MARCHF1: variants seen among roughly 807,000 people sequenced by gnomAD.
MARCHF1 encodes E3 ubiquitin-protein ligase MARCHF1.
In MARCHF1, 40 loss-of-function variants were observed where a neutral mutation model predicts 54.2. That is an observed-to-expected ratio of 0.74 (90% CI 0.57 to 0.96). MARCHF1 has a LOEUF of 0.96. Ranked by LOEUF, MARCHF1 falls within the 40% of genes least tolerant of loss-of-function variation. The pLI is 0.00. For synonymous variants in MARCHF1, 236 were observed against 236.3 expected (o/e 1.00, Z 0.01); for missense variants, 586 against 656.5 (o/e 0.89, Z 1.17).
At chr4:164,043,441 G>A (rs1256414092) in intron 2 of MARCHF1, among the ~76,000 whole-genome samples, 1 of 152,146 alleles carries the variant, frequency 6.6e-6, no homozygotes, top group Non-Finnish European at 1.5e-5. Context: ...TTTAGCCACA[G>A]CTGGAGCTGG....
chr4:163,628,662 C>T (rs1031352178), intron 5 of MARCHF1, among the ~76,000 whole-genome samples: 1 of 152,078 alleles, frequency 6.6e-6, no homozygotes, highest in Non-Finnish European at 1.5e-5. Flanking sequence ...TTGTCTCAGC[C>T]CAAAATCTCC....
At chr4:164,011,858 C>T (rs1473302416) in intron 2 of MARCHF1, among the ~76,000 whole-genome samples, 2 of 152,146 alleles carry the variant, frequency 1.3e-5, no homozygotes, top group African/African-American at 4.8e-5. Flanking sequence ...CTACACCTCA[C>T]CTACCCTAAC....
chr4:164,350,059 C>T (rs17483404), intron 1 of MARCHF1, among the ~76,000 whole-genome samples: 82,234 of 151,970 alleles, frequency 0.54, 22,839 homozygotes, highest in East Asian at 0.65. Context: ...GCAATGTTCA[C>T]AATGCATGTA....
At chr4:163,538,535 A>G (rs913676682) in intron 9 of MARCHF1, among the ~76,000 whole-genome samples, 6 of 152,150 alleles carry the variant, frequency 3.9e-5, no homozygotes, top group Non-Finnish European at 5.9e-5. Flanking sequence ...GGAATAGCCA[A>G]ATCCCCAAAT....
chr4:164,093,245 T>C (rs543038950), intron 2 of MARCHF1, among the ~76,000 whole-genome samples: 2 of 152,276 alleles, frequency 1.3e-5, no homozygotes, highest in East Asian at 3.9e-4. Flanking sequence ...AATTGGACTA[T>C]AACTAAAACA....
At chr4:163,816,472 A>T (rs1276700246) in intron 4 of MARCHF1, among the ~76,000 whole-genome samples, 1 of 151,894 alleles carries the variant, frequency 6.6e-6, no homozygotes, top group Non-Finnish European at 1.5e-5. Context: ...TTACCCTAAC[A>T]AAACATCTTT....
At chr4:164,245,064 T>G (rs550579482) in intron 1 of MARCHF1, among the ~76,000 whole-genome samples, 1 of 152,322 alleles carries the variant, frequency 6.6e-6, no homozygotes, top group Non-Finnish European at 1.5e-5. Flanking sequence ...TCTGAAACTA[T>G]TCCAATCAAT....
intron 1 of MARCHF1, among the ~76,000 whole-genome samples, chr4:164,131,012 T>C (rs1756289914): frequency 6.6e-6 from 1 of 152,174 alleles, no homozygotes; most frequent in Non-Finnish European, 1.5e-5. Flanking sequence ...ATTCCCCTCT[T>C]TGGGATTTAA....
chr4:163,550,507 CTTTTTTT>C (rs35963243), intron 8 of MARCHF1, among the ~76,000 whole-genome samples: 1 of 142,218 alleles, frequency 7.0e-6, no homozygotes. Context: ...TACGGTAGCC[CTTTTTTT>C]TTTTTTTTTT....
chr4:164,058,956 A>AT (rs765036333), intron 2 of MARCHF1, among the ~76,000 whole-genome samples: 2 of 152,140 alleles, frequency 1.3e-5, no homozygotes, highest in Non-Finnish European at 2.9e-5. Context: ...TAACAAGATT[A>AT]TTTTTCCAGT....
intron 1 of MARCHF1, among the ~76,000 whole-genome samples, chr4:164,211,810 A>G (rs1731782137): frequency 1.3e-5 from 2 of 152,050 alleles, no homozygotes; most frequent in Non-Finnish European, 1.5e-5. Flanking sequence ...TTAGACAACT[A>G]TTTTGAGAGA....
intron 1 of MARCHF1, among the ~76,000 whole-genome samples, chr4:164,376,655 C>G (rs1422512800): frequency 6.6e-6 from 1 of 152,124 alleles, no homozygotes; most frequent in African/African-American, 2.4e-5. Context: ...CCACCCATTC[C>G]CACTGACTGC....
intron 3 of MARCHF1, among the ~76,000 whole-genome samples, chr4:163,933,356 T>A (rs1751723553): frequency 6.6e-6 from 1 of 152,214 alleles, no homozygotes; most frequent in Non-Finnish European, 1.5e-5. Flanking sequence ...CCCATTTATG[T>A]ATACGGAATC....
chr4:164,192,480 A>G (rs1401972962), intron 1 of MARCHF1, among the ~76,000 whole-genome samples: 1 of 152,206 alleles, frequency 6.6e-6, no homozygotes, highest in Non-Finnish European at 1.5e-5. Flanking sequence ...GTAAAAAGTT[A>G]GTGATCTCTG....
At chr4:164,109,911 G>GAAAAAAA (rs1755795301) in intron 2 of MARCHF1, among the ~76,000 whole-genome samples, 3 of 16,010 alleles carry the variant, frequency 1.9e-4, no homozygotes, top group African/African-American at 4.4e-4. Context: ...TAAAATAAAA[G>GAAAAAAA]TAAAAAAAAA....
intron 5 of MARCHF1, among the ~76,000 whole-genome samples, chr4:163,637,075 C>T (rs1339482724): frequency 1.3e-5 from 2 of 151,104 alleles, no homozygotes; most frequent in Non-Finnish European, 3.0e-5. Context: ...CCCTTCCTTA[C>T]ACCTTATACA....
At chr4:164,193,217 G>A (rs930052673) in intron 1 of MARCHF1, among the ~76,000 whole-genome samples, 4 of 151,632 alleles carry the variant, frequency 2.6e-5, no homozygotes, top group Admixed American at 1.3e-4. Context: ...CACCTTTTTC[G>A]GAAGATGCCA....
chr4:164,114,492 C>A (rs1048707277), intron 1 of MARCHF1, among the ~76,000 whole-genome samples: 13 of 151,486 alleles, frequency 8.6e-5, no homozygotes, highest in African/African-American at 3.1e-4. Flanking sequence ...TATAATGACC[C>A]ATTCTTTAAA....
intron 4 of MARCHF1, among the ~76,000 whole-genome samples, chr4:163,781,546 C>T (rs2110905887): frequency 6.6e-6 from 1 of 152,154 alleles, no homozygotes; most frequent in East Asian, 1.9e-4. Flanking sequence ...TTTAGATGTC[C>T]TGACTAATAA....
Sources: gnomAD v4.1 joint callset for allele counts (sites outside exome capture counted in the v4.1 genomes callset) on GRCh38, gnomAD v4.1.1 for gene constraint, MANE v1.5 for transcripts, NCBI Gene and HGNC (gene_info 2026-07-23, HGNC 2026-07-21) for gene names.